The following CTNND2 variants were observed in gnomAD, a reference collection of about 807,000 sequenced individuals.
The protein encoded by CTNND2 is catenin delta-2.
In CTNND2, 22 loss-of-function variants were observed where a neutral mutation model predicts 144.4. That is an observed-to-expected ratio of 0.15 (90% confidence interval 0.11 to 0.22). The LOEUF (loss-of-function observed/expected upper bound fraction) is 0.22, where lower values mean the gene tolerates loss of function less well. CTNND2 is among the 10% of genes least tolerant of loss of function. CTNND2 has a pLI of 1.00. For missense variants in CTNND2, 1,353 were observed against 1,618.8 expected (o/e 0.84, Z 2.82); for synonymous variants, 751 against 695.6 (o/e 1.08, Z -1.25).
In CTNND2 at chr5:11,137,228, T is replaced by C. The variant is rs563525851; in HGVS notation, c.2160-19661A>G. ...CCATATGAGGAATTAATCCATTCAT[T>C]AGTTCATTTCTTATTTATTAATATA... On this transcript the variant is annotated intron_variant, in intron 12 of 21. Transcript: ENST00000304623. 3.9e-5 allele frequency among the ~76,000 whole-genome samples: 6 copies of C among 152,358 alleles called. No individual in the cohort carries two copies. In the South Asian group the frequency reaches 1.2e-3, roughly 32 times the overall value.
At chr5:11,472,081 G>A (rs181874117) in intron 3 of CTNND2, among the ~76,000 whole-genome samples, 1 of 152,284 alleles carries the variant, frequency 6.6e-6, no homozygotes, top group East Asian at 1.9e-4. Context: ...AAGTATTTAA[G>A]AAGCAAGTGG....
chr5:10,993,244 T>C (rs974828089), intron 18 of CTNND2, among the ~76,000 whole-genome samples: 2 of 152,188 alleles, frequency 1.3e-5, no homozygotes, highest in African/African-American at 4.8e-5. Context: ...ATATTCAAAA[T>C]GCATCCTACC....
intron 9 of CTNND2, among the ~76,000 whole-genome samples, chr5:11,307,050 G>A (rs890417458): frequency 2.2e-4 from 34 of 152,116 alleles, no homozygotes; most frequent in African/African-American, 8.2e-4. Flanking sequence ...GCCCCCTGAG[G>A]TGGCCATGGG....
chr5:11,758,395 C>A (rs1193995164), intron 1 of CTNND2, among the ~76,000 whole-genome samples: 1 of 151,876 alleles, frequency 6.6e-6, no homozygotes, highest in Admixed American at 6.6e-5. Context: ...TTAAAATATG[C>A]AATGCAGTTA....
At chr5:11,234,703 A>G (rs1362504128) in intron 10 of CTNND2, among the ~76,000 whole-genome samples, 1 of 152,196 alleles carries the variant, frequency 6.6e-6, no homozygotes, top group African/African-American at 2.4e-5. Context: ...CAGTTAGACC[A>G]TGACTTCAGA....
At position 11,215,912 on chromosome 5, in the gene CTNND2, T is replaced by C. The variant is rs61750753; in HGVS notation, c.1762-16251A>G. On this transcript the variant is annotated intron_variant, in intron 10 of 21. Coordinates refer to ENST00000304623, the MANE Select transcript of CTNND2 (RefSeq NM_001332.4). ...CAAATTAAAGAAATTGTGGTTTACA[T>C]TGAAATTTTCAAAAGGGGATTTTCA... Among the ~76,000 whole-genome samples, 229 of 152,360 alleles carry C rather than the reference T, an allele frequency of 1.5e-3. 2 individuals carry two copies. The highest frequency in any genetic ancestry group is 4.1e-3 in the African/African-American group (169 of 41,584).
At chr5:11,337,314 A>G (rs1305845261) in intron 9 of CTNND2, among the ~76,000 whole-genome samples, 2 of 152,094 alleles carry the variant, frequency 1.3e-5, no homozygotes, top group African/African-American at 4.8e-5. Flanking sequence ...TTTGGTTCTC[A>G]GCTGACTTCC....
chr5:10,973,403 T>C lies in CTNND2; in HGVS notation c.*50A>G, dbSNP rs1018301616. ...AAAAACAAAACAGAAAGAAATGTCT[T>C]GTGGTATGCATGCACATGCACTGTT... On this transcript the variant is annotated 3_prime_UTR_variant, in exon 22 of 22. Transcript: ENST00000304623. This position sits in a 1 kb window ranked among gnomAD's most constrained non-coding sequence, Gnocchi z 5.6. The C allele has an allele frequency of 8.1e-6, 12 of 1,476,896 alleles. No individual in the cohort carries two copies. In the African/African-American group the frequency reaches 1.3e-4, roughly 16 times the overall value. 91.5% of individuals were successfully genotyped at this position (1,476,896 alleles called of 1,614,324 possible).
At chr5:11,170,693 C>T (rs888086696) in intron 11 of CTNND2, among the ~76,000 whole-genome samples, 1 of 152,154 alleles carries the variant, frequency 6.6e-6, no homozygotes, top group African/African-American at 2.4e-5. Flanking sequence ...ATTCACCACA[C>T]TAATTTCATG....
At chr5:11,289,271 C>A (rs1748065336) in intron 9 of CTNND2, among the ~76,000 whole-genome samples, 1 of 152,210 alleles carries the variant, frequency 6.6e-6, no homozygotes, top group African/African-American at 2.4e-5. Context: ...CAAAATAATT[C>A]TGTCTTGCAA....
chr5:11,062,625 G>A (rs186983849), intron 16 of CTNND2, among the ~76,000 whole-genome samples: 1 of 152,220 alleles, frequency 6.6e-6, no homozygotes, highest in Non-Finnish European at 1.5e-5. Context: ...ACAACGCCAA[G>A]CTCATAGCTA....
At chr5:10,985,740 A>C (rs541435456) in intron 20 of CTNND2, among the ~76,000 whole-genome samples, 1 of 152,318 alleles carries the variant, frequency 6.6e-6, no homozygotes, top group East Asian at 1.9e-4. Flanking sequence ...GCCACAAGAA[A>C]TCTGATTTTG....
intron 3 of CTNND2, among the ~76,000 whole-genome samples, chr5:11,502,163 C>G (rs1466038721): frequency 6.6e-6 from 1 of 151,512 alleles, no homozygotes; most frequent in African/African-American, 2.4e-5. Context: ...ACTAATGTTA[C>G]ACTTCCAACG....
At chr5:11,169,297 C>T (rs547000844) in intron 11 of CTNND2, among the ~76,000 whole-genome samples, 9 of 152,308 alleles carry the variant, frequency 5.9e-5, no homozygotes, top group Admixed American at 5.2e-4. Context: ...AGGATACTTA[C>T]TGCAGTATGT....
intron 1 of CTNND2, among the ~76,000 whole-genome samples, chr5:11,822,279 T>C: frequency 6.6e-6 from 1 of 152,200 alleles, no homozygotes; most frequent in East Asian, 1.9e-4. Context: ...TCTCTACTGC[T>C]ATGTTTTGGA....
At chr5:11,389,034 T>A (rs1215737040) in intron 6 of CTNND2, among the ~76,000 whole-genome samples, 1 of 152,220 alleles carries the variant, frequency 6.6e-6, no homozygotes, top group East Asian at 1.9e-4. Flanking sequence ...GATGTGTGAC[T>A]CTGAAAATAA....
At chr5:11,413,510 T>C (rs562256786) in intron 3 of CTNND2, among the ~76,000 whole-genome samples, 1 of 152,272 alleles carries the variant, frequency 6.6e-6, no homozygotes, top group Non-Finnish European at 1.5e-5. Flanking sequence ...ATCAATCCCA[T>C]TGGTCATTTG....
intron 10 of CTNND2, among the ~76,000 whole-genome samples, chr5:11,228,325 A>G (rs1740588267): frequency 7.0e-6 from 1 of 143,716 alleles, no homozygotes; most frequent in African/African-American, 2.6e-5. Context: ...AGCCTAGGCA[A>G]CAGAGGAGAC....
chr5:11,568,360 A>G (rs2150111889), intron 2 of CTNND2, among the ~76,000 whole-genome samples: 1 of 152,160 alleles, frequency 6.6e-6, no homozygotes, highest in South Asian at 2.1e-4. Flanking sequence ...GCTGTGTGGA[A>G]ACTCTCTCAA....
Sources: gnomAD v4.1 joint callset for allele counts (sites outside exome capture counted in the v4.1 genomes callset) on GRCh38, gnomAD v4.1.1 for gene constraint, Gnocchi (gnomAD v3.1) non-coding constraint, MANE v1.5 for transcripts, NCBI Gene and HGNC (gene_info 2026-07-23, HGNC 2026-07-21) for gene names.